Variants in EML6 observed in about 807,000 individuals in gnomAD.
EML6 encodes EMAP like 6.
EML6 carries 154 observed loss-of-function variants against 240.1 expected under a neutral mutation model. That is an observed-to-expected ratio of 0.64 (90% CI 0.56 to 0.73). The LOEUF (loss-of-function observed/expected upper bound fraction) is 0.73. Ranked by LOEUF, EML6 falls within the 30% of genes least tolerant of loss-of-function variation. The pLI is 0.00. For missense variants in EML6, 2,964 were observed against 2,474.6 expected (o/e 1.20, Z -4.20); for synonymous variants, 1,148 against 899.0 (o/e 1.28, Z -4.95).
intron 29 of EML6, among the ~76,000 whole-genome samples, chr2:54,949,703 A>G (rs895609961): frequency 4.6e-5 from 7 of 152,118 alleles, no homozygotes; most frequent in African/African-American, 1.7e-4. Flanking sequence ...CACATTGCCA[A>G]TGGGATTCAA....
At chr2:54,848,364 A>C (rs1230081434) in intron 9 of EML6, among the ~76,000 whole-genome samples, 1 of 152,180 alleles carries the variant, frequency 6.6e-6, no homozygotes, top group Non-Finnish European at 1.5e-5. Flanking sequence ...TTGATTGGAG[A>C]ATGGTCTTAG....
At chr2:54,736,304 TCTC>T (rs2103622734) in intron 2 of EML6, among the ~76,000 whole-genome samples, 1 of 152,338 alleles carries the variant, frequency 6.6e-6, no homozygotes, top group African/African-American at 2.4e-5. Flanking sequence ...CTGATTCCTT[TCTC>T]CTCTTTTCCT....
chr2:54,968,320 G>T (rs1457428408), intron 40 of EML6, 39 bp downstream of exon 40: 1 of 1,548,348 alleles, frequency 6.5e-7, no homozygotes, highest in Non-Finnish European at 8.7e-7. Flanking sequence ...CAGGTTCTCT[G>T]TTTGGCCGTC....
At chr2:54,827,782 G>A (rs1668667406) in intron 6 of EML6, 31 bp downstream of exon 6, 1 of 1,496,928 alleles carries the variant, frequency 6.7e-7, no homozygotes, top group Non-Finnish European at 9.1e-7. Flanking sequence ...ATCTGTGGGT[G>A]ACCTACCAAA....
chr2:54,923,465 T>C (rs141446205), intron 26 of EML6, among the ~76,000 whole-genome samples: 2 of 151,980 alleles, frequency 1.3e-5, no homozygotes, highest in East Asian at 3.9e-4. Flanking sequence ...TATTTCACAA[T>C]GTATGCATAT....
At chr2:54,805,226 A>C (rs1050837367) in intron 2 of EML6, among the ~76,000 whole-genome samples, 1 of 152,104 alleles carries the variant, frequency 6.6e-6, no homozygotes, top group African/African-American at 2.4e-5. Flanking sequence ...TGTACGTGTG[A>C]CCTATTTCCG....
intron 16 of EML6, among the ~76,000 whole-genome samples, chr2:54,872,450 C>T (rs1048259005): frequency 3.9e-5 from 6 of 152,138 alleles, no homozygotes; most frequent in African/African-American, 1.2e-4. Flanking sequence ...TTCCTCTCCC[C>T]GTTCAAGCCC....
At chr2:54,927,617 G>T (rs976139394) in intron 26 of EML6, among the ~76,000 whole-genome samples, 4 of 152,190 alleles carry the variant, frequency 2.6e-5, no homozygotes, top group Non-Finnish European at 5.9e-5. Context: ...TGTCAGGACT[G>T]CCCTGGCATG....
At chr2:54,729,103 C>G (rs1441255389) in intron 2 of EML6, among the ~76,000 whole-genome samples, 1 of 152,204 alleles carries the variant, frequency 6.6e-6, no homozygotes, top group Non-Finnish European at 1.5e-5. Flanking sequence ...AGTGAAACAA[C>G]TTTTCACTTA....
intron 2 of EML6, among the ~76,000 whole-genome samples, chr2:54,741,903 G>A (rs929243924): frequency 6.6e-6 from 1 of 152,120 alleles, no homozygotes; most frequent in Non-Finnish European, 1.5e-5. Flanking sequence ...AAAACCAATG[G>A]ATGCTATAAC....
At chr2:54,930,875 C>T (rs183641475) in intron 28 of EML6, among the ~76,000 whole-genome samples, 1 of 151,670 alleles carries the variant, frequency 6.6e-6, no homozygotes, top group African/African-American at 2.4e-5. Flanking sequence ...ACAATCAGAG[C>T]CAAGAACAAG....
intron 2 of EML6, among the ~76,000 whole-genome samples, chr2:54,748,988 C>G (rs1022967738): frequency 1.3e-5 from 2 of 152,140 alleles, no homozygotes. Context: ...TGTATACTTT[C>G]TAGAGTATAT....
chr2:54,960,250 G>C lies in EML6; in HGVS notation c.4884G>C (p.Trp1628Cys). 6.4e-7 allele frequency: 1 copy of C among 1,551,554 alleles called. No individual in the cohort carries two copies. The highest frequency in any genetic ancestry group is 8.7e-7 in the Non-Finnish European group (1 of 1,146,932). Residue 1628 changes from tryptophan to cysteine, a missense_variant, in exon 35 of 42, where the codon TGG becomes TGC. Transcript: ENST00000356458. ...AAGAAGGAGGTGCTGTAAAATTGTG[G>C]GACCAGGAGATGAAGCGCTGCCGGG... ...PTKEGGAVKL[W>C]DQEMKRCRAF...
chr2:54,841,027 A>G (rs961286521), intron 7 of EML6, among the ~76,000 whole-genome samples: 3 of 152,310 alleles, frequency 2.0e-5, no homozygotes, highest in Admixed American at 1.3e-4. Flanking sequence ...CACCAGGGAG[A>G]AAACGGGAAT....
intron 2 of EML6, among the ~76,000 whole-genome samples, chr2:54,742,027 T>C (rs1450942421): frequency 6.6e-6 from 1 of 152,196 alleles, no homozygotes; most frequent in Admixed American, 6.5e-5. Context: ...CAACCCACCA[T>C]AACTAAATTC....
intron 28 of EML6, among the ~76,000 whole-genome samples, chr2:54,931,587 T>A (rs1674867934): frequency 6.6e-6 from 1 of 152,164 alleles, no homozygotes; most frequent in Non-Finnish European, 1.5e-5. Context: ...GCTTGAAGAT[T>A]TGAGAGGCAG....
intron 28 of EML6, among the ~76,000 whole-genome samples, chr2:54,944,837 A>G (rs1268139863): frequency 6.6e-6 from 1 of 152,050 alleles, no homozygotes; most frequent in Non-Finnish European, 1.5e-5. Flanking sequence ...AATACTGTTA[A>G]CAGAGTCCAG....
chr2:54,738,609 T>C (rs1683501731), intron 2 of EML6, among the ~76,000 whole-genome samples: 1 of 152,182 alleles, frequency 6.6e-6, no homozygotes, highest in East Asian at 1.9e-4. Flanking sequence ...CATCCTCACT[T>C]TTAAGAGCAT....
intron 3 of EML6, among the ~76,000 whole-genome samples, chr2:54,815,014 A>T (rs2567838): frequency 0.14 from 21,189 of 152,230 alleles, 1,781 homozygotes; most frequent in Non-Finnish European, 0.18. Flanking sequence ...ACAAGTATAA[A>T]TGTATGCTTA....
Sources: allele counts gnomAD v4.1 joint callset (sites outside exome capture counted in the v4.1 genomes callset), GRCh38; gene constraint gnomAD v4.1.1; transcripts MANE v1.5; gene names NCBI Gene and HGNC (gene_info 2026-07-23, HGNC 2026-07-21).